Variants in RXRA observed in about 807,000 individuals in gnomAD.
The protein encoded by RXRA is retinoid X receptor alpha.
Under a neutral mutation model 44.5 loss-of-function variants are expected in RXRA, and 5 were observed. The observed-to-expected ratio is 0.11, with a 90% CI of 0.06 to 0.24. RXRA has a LOEUF of 0.24. Among genes scored for constraint, RXRA ranks in the 10% least tolerant of loss-of-function variants. The pLI, the probability that RXRA is intolerant of heterozygous loss-of-function variation, is 1.00. For missense variants in RXRA, 412 were observed against 646.5 expected, an observed-to-expected ratio of 0.64 and a Z score of 3.93; for synonymous variants, 291 against 271.4, an observed-to-expected ratio of 1.07 and a Z score of -0.71.
chr9:134,424,931 C>T, intron 6 of RXRA: 1 of 985,446 alleles, frequency 1.0e-6, no homozygotes, highest in Non-Finnish European at 1.2e-6. Context: ...ACTGAGTGCT[C>T]CCCCATTATG....
chr9:134,402,718 G>A (rs997111035), intron 2 of RXRA: 7 of 152,170 alleles, frequency 4.6e-5, no homozygotes, highest in South Asian at 4.2e-4. Context: ...CCTGGCTCCC[G>A]GTGGTTGCTT....
intron 1 of RXRA, among the ~76,000 whole-genome samples, chr9:134,368,930 CG>C (rs1564272658): frequency 1.8e-5 from 1 of 56,022 alleles, no homozygotes. Context: ...TGTGTGAGTG[CG>C]GGGGTTATGT....
intron 5 of RXRA, among the ~76,000 whole-genome samples, chr9:134,418,730 A>G (rs1011538301): frequency 3.9e-5 from 6 of 152,204 alleles, no homozygotes; most frequent in Admixed American, 6.5e-5. Context: ...ACTGGCCACC[A>G]CAGGGTGAGG....
chr9:134,430,418 C>T (rs953697096), intron 7 of RXRA, among the ~76,000 whole-genome samples: 2 of 152,210 alleles, frequency 1.3e-5, no homozygotes. Flanking sequence ...AGGCCATGCA[C>T]CGGCACTTAC....
At chr9:134,354,576 G>A (rs1288777561) in intron 1 of RXRA, among the ~76,000 whole-genome samples, 3 of 152,164 alleles carry the variant, frequency 2.0e-5, no homozygotes, top group South Asian at 2.1e-4. Flanking sequence ...ATCGGCAGCC[G>A]TGGGGGTGGT....
At chr9:134,338,249 C>T (rs781968654) in intron 1 of RXRA, among the ~76,000 whole-genome samples, 7 of 152,230 alleles carry the variant, frequency 4.6e-5, no homozygotes, top group Non-Finnish European at 8.8e-5. Context: ...GTGTGGGGCA[C>T]GGCCATCGCC....
At chr9:134,344,176 G>C (rs1430136272) in intron 1 of RXRA, among the ~76,000 whole-genome samples, 1 of 152,220 alleles carries the variant, frequency 6.6e-6, no homozygotes, top group Non-Finnish European at 1.5e-5. Flanking sequence ...GGCCCATGCA[G>C]TACAAATGTG....
At chr9:134,355,740 C>T (rs1470933368) in intron 1 of RXRA, among the ~76,000 whole-genome samples, 5 of 152,182 alleles carry the variant, frequency 3.3e-5, no homozygotes, top group African/African-American at 9.7e-5. Context: ...CAGCTTGGAA[C>T]GCAGCCTTGC....
chr9:134,380,217 C>T, intron 1 of RXRA: 3 of 981,036 alleles, frequency 3.1e-6, no homozygotes, highest in Non-Finnish European at 3.6e-6. Context: ...GGCGTGCCGG[C>T]CCCGTGAGTC....
intron 7 of RXRA, among the ~76,000 whole-genome samples, chr9:134,430,648 G>A (rs1298754369): frequency 6.6e-6 from 1 of 152,336 alleles, no homozygotes; most frequent in Admixed American, 6.5e-5. Flanking sequence ...GGGTCCCCAC[G>A]GGGGCTGCAG....
chr9:134,430,564 G>A (rs568611258), intron 7 of RXRA, among the ~76,000 whole-genome samples: 31 of 152,332 alleles, frequency 2.0e-4, no homozygotes, highest in South Asian at 1.2e-3. Context: ...GTGGGCAAAC[G>A]GTAGTTCAAA....
intron 1 of RXRA, among the ~76,000 whole-genome samples, chr9:134,337,009 G>A (rs145613398): frequency 3.3e-5 from 5 of 152,288 alleles, no homozygotes; most frequent in Non-Finnish European, 5.9e-5. Flanking sequence ...GGCCCTGGGT[G>A]GGAGCTGAGG....
intron 6 of RXRA, chr9:134,424,910 G>T (rs1831407946): frequency 2.0e-6 from 2 of 985,344 alleles, no homozygotes; most frequent in East Asian, 1.1e-4. Context: ...GCTCCGGCAG[G>T]TGCCAGGGCC....
At chr9:134,358,694 A>T (rs1830314317) in intron 1 of RXRA, among the ~76,000 whole-genome samples, 1 of 151,052 alleles carries the variant, frequency 6.6e-6, no homozygotes, top group African/African-American at 2.4e-5. Flanking sequence ...GGTCGTCTGC[A>T]GGACTGGGCA....
chr9:134,385,330 T>C (rs1830703724), intron 1 of RXRA, among the ~76,000 whole-genome samples: 1 of 152,234 alleles, frequency 6.6e-6, no homozygotes, highest in Admixed American at 6.5e-5. Context: ...GTTGTGTGGC[T>C]GGAGGGAGGC....
intron 1 of RXRA, among the ~76,000 whole-genome samples, chr9:134,368,567 T>A (rs1812827777): frequency 6.6e-6 from 1 of 151,714 alleles, no homozygotes; most frequent in African/African-American, 2.4e-5. Context: ...GTGTATTTTG[T>A]ATGTATAGGT....
chr9:134,419,647 T>C (rs565759985), intron 5 of RXRA, among the ~76,000 whole-genome samples: 154 of 152,316 alleles, frequency 1.0e-3, no homozygotes, highest in Non-Finnish European at 1.8e-3. Context: ...CTGTGGACAC[T>C]TCTAGGCAGG....
At chr9:134,376,216 C>T (rs1465763085) in intron 1 of RXRA, among the ~76,000 whole-genome samples, 6 of 152,234 alleles carry the variant, frequency 3.9e-5, no homozygotes, top group South Asian at 4.1e-4. Context: ...CCCAGAGGGG[C>T]ACCCTCAGCC....
chr9:134,418,208 C>G (rs1003146886), intron 5 of RXRA, among the ~76,000 whole-genome samples: 2 of 152,160 alleles, frequency 1.3e-5, no homozygotes, highest in African/African-American at 4.8e-5. Flanking sequence ...GTCCCAGGCC[C>G]CACTGAGGGG....
Sources: allele counts gnomAD v4.1 joint callset (sites outside exome capture counted in the v4.1 genomes callset), GRCh38; gene constraint gnomAD v4.1.1; transcripts MANE v1.5; gene names NCBI Gene and HGNC (gene_info 2026-07-23, HGNC 2026-07-21).